The following SLC39A8 variants were observed in gnomAD, a reference collection of about 807,000 sequenced individuals.
SLC39A8 encodes the protein metal cation symporter ZIP8.
In SLC39A8, 15 loss-of-function variants were observed where a neutral mutation model predicts 40.4. The ratio of observed to expected loss-of-function variants is 0.37; its 90% CI spans 0.25 to 0.57. The LOEUF is 0.57. Ranked by LOEUF, SLC39A8 falls within the 20% of genes least tolerant of loss-of-function variation. The pLI is 0.75. For synonymous variants in SLC39A8, 223 were observed against 221.6 expected (o/e 1.01, Z -0.06); for missense variants, 472 against 558.8 (o/e 0.84, Z 1.57).
chr4:102,253,263 G>A (rs750963273), exon 12 of SLC39A8: 16 of 438,674 alleles, frequency 3.6e-5, no homozygotes, highest in African/African-American at 8.2e-5. Flanking sequence ...AGAAAGAAGA[G>A]GCTGTATCTT....
intron 6 of SLC39A8, among the ~76,000 whole-genome samples, chr4:102,285,327 T>C (rs1389407650): frequency 6.6e-6 from 1 of 152,098 alleles, no homozygotes; most frequent in Non-Finnish European, 1.5e-5. Context: ...TTTAAATAAA[T>C]GAAGAGTTAT....
chr4:102,277,518 G>A (rs1732676318), intron 6 of SLC39A8, among the ~76,000 whole-genome samples: 4 of 152,164 alleles, frequency 2.6e-5, no homozygotes, highest in Admixed American at 2.6e-4. Flanking sequence ...AACATTCCAT[G>A]CTCATGGATA....
chr4:102,336,480 T>C (rs974617249), intron 2 of SLC39A8, among the ~76,000 whole-genome samples: 4 of 152,202 alleles, frequency 2.6e-5, no homozygotes, highest in Non-Finnish European at 5.9e-5. Context: ...TTTAATTAGG[T>C]TCAAAGAACT....
Position 102,304,453 on chromosome 4 carries a change from T to C in SLC39A8, c.704A>G (p.Asn235Ser), listed in dbSNP as rs764741012. 3 of 1,611,290 alleles carry C rather than the reference T, an allele frequency of 1.9e-6. No homozygotes were observed. Among genetic ancestry groups the C allele is most frequent in the East Asian group, 2.2e-5 (1 of 44,754 alleles). Residue 235 changes from asparagine to serine, a missense_variant, in exon 6 of 9, where the codon AAC becomes AGC. By Grantham distance (46) the Asn-to-Ser change is conservative. Transcript: ENST00000356736. ...ATGAGTTTTTTCTTGAGGACCAAAG[T>C]TATCATTTCCAAAGTGGGTATGACC... Reference protein sequence around the residue: ...QNGHTHFGNDNFGPQEKTHQP... With the variant: ...QNGHTHFGNDSFGPQEKTHQP...
At chr4:102,304,831 T>C (rs1483680674) in intron 5 of SLC39A8, among the ~76,000 whole-genome samples, 158 bp downstream of exon 5, 2 of 151,834 alleles carry the variant, frequency 1.3e-5, no homozygotes, top group Non-Finnish European at 2.9e-5. Context: ...ATTTATCTTA[T>C]ACTTGTCAAT....
At chr4:102,330,993 C>T (rs1735429653) in intron 2 of SLC39A8, among the ~76,000 whole-genome samples, 1 of 152,152 alleles carries the variant, frequency 6.6e-6, no homozygotes, top group Non-Finnish European at 1.5e-5. Flanking sequence ...GCTAAAAACG[C>T]TCAATAAACT....
chr4:102,338,482 A>G (rs1425582169), intron 2 of SLC39A8, among the ~76,000 whole-genome samples: 3 of 152,234 alleles, frequency 2.0e-5, no homozygotes, highest in East Asian at 1.9e-4. Context: ...CACCGCGCCC[A>G]GCCTCCATCT....
chr4:102,331,006 G>A (rs538448586), intron 2 of SLC39A8, among the ~76,000 whole-genome samples: 10 of 152,278 alleles, frequency 6.6e-5, no homozygotes, highest in South Asian at 2.1e-4. Flanking sequence ...AATAAACTAC[G>A]TATTGATGGG....
At chr4:102,339,787 G>T (rs1030181751) in intron 2 of SLC39A8, among the ~76,000 whole-genome samples, 8 of 151,922 alleles carry the variant, frequency 5.3e-5, no homozygotes, top group Non-Finnish European at 1.0e-4. Context: ...CACTGCAGAT[G>T]GCTCCTTAGC....
intron 6 of SLC39A8, among the ~76,000 whole-genome samples, chr4:102,279,476 CA>C (rs537328224): frequency 3.3e-5 from 5 of 152,064 alleles, no homozygotes; most frequent in Non-Finnish European, 5.9e-5. Flanking sequence ...TAGTCCTGGT[CA>C]AGGGAAAATA....
intron 6 of SLC39A8, among the ~76,000 whole-genome samples, chr4:102,301,159 C>T (rs1733907577): frequency 6.6e-6 from 1 of 151,934 alleles, no homozygotes; most frequent in African/African-American, 2.4e-5. Context: ...TTCCCTCTCA[C>T]TAGATAGGTA....
intron 2 of SLC39A8, among the ~76,000 whole-genome samples, chr4:102,328,821 C>T (rs990169288): frequency 5.3e-5 from 8 of 151,854 alleles, no homozygotes; most frequent in Non-Finnish European, 8.8e-5. Context: ...GTCAGGAGAT[C>T]GAGACCATCC....
chr4:102,290,263 G>A (rs77378426), intron 6 of SLC39A8, among the ~76,000 whole-genome samples: 11,280 of 152,192 alleles, frequency 0.074, 610 homozygotes, highest in South Asian at 0.14. Flanking sequence ...CATAATGACA[G>A]TGCACACTTA....
At chr4:102,301,571 C>T (rs1286916035) in intron 6 of SLC39A8, among the ~76,000 whole-genome samples, 1 of 151,990 alleles carries the variant, frequency 6.6e-6, no homozygotes, top group Non-Finnish European at 1.5e-5. Flanking sequence ...TCTGAATTTC[C>T]AGTGCCTAGG....
At chr4:102,337,775 T>C (rs969254897) in intron 2 of SLC39A8, among the ~76,000 whole-genome samples, 1 of 152,172 alleles carries the variant, frequency 6.6e-6, no homozygotes, top group African/African-American at 2.4e-5. Flanking sequence ...AACTGAAAGG[T>C]TTCATACTAG....
At chr4:102,319,302 C>T (rs1245449151) in intron 2 of SLC39A8, among the ~76,000 whole-genome samples, 1 of 152,148 alleles carries the variant, frequency 6.6e-6, no homozygotes, top group Non-Finnish European at 1.5e-5. Context: ...CAAGTTCCTT[C>T]CTTAGCATTT....
In SLC39A8 at chr4:102,315,844, A is replaced by C. The variant is rs1404370602; in HGVS notation, c.220-14T>G. The stretch of plus-strand genomic sequence containing the variant: ...AGCAGTTAAACACTGAAATAGAATA[A>C]ACAAAAAAAAAATGTGATAATAATG... On this transcript the variant is annotated splice_polypyrimidine_tract_variant and intron_variant, in intron 2 of 8. Transcript: ENST00000356736. 1 of 1,596,410 alleles carries C rather than the reference A, an allele frequency of 6.3e-7. No homozygotes were observed. The highest frequency in any genetic ancestry group is 1.1e-5 in the South Asian group (1 of 87,766).
At position 102,261,782 on chromosome 4, in the gene SLC39A8, A is replaced by G. The variant is rs1443770275; in HGVS notation, c.*1262T>C. ...TTCACCAAATCTGCATTGCTGCTAC[A>G]TGAAAACATTTTTTGGTCTGTTGGA... On this transcript the variant is annotated 3_prime_UTR_variant, in exon 9 of 9. Coordinates refer to ENST00000356736, the MANE Select transcript of SLC39A8 (RefSeq NM_001135146.2). 2 of 985,784 alleles carry G rather than the reference A, an allele frequency of 2.0e-6. No individual in the cohort carries two copies. The highest frequency in any genetic ancestry group is 2.2e-4 in the East Asian group (2 of 8,968). 61.1% of individuals were successfully genotyped at this position (985,784 alleles called of 1,614,324 possible).
rs375961033 is a variant in SLC39A8, at chr4:102,307,628, A to G, written c.383-23T>C. 63 of 1,603,638 alleles carry G rather than the reference A, an allele frequency of 3.9e-5. No homozygotes were observed. In the African/African-American group the frequency reaches 6.2e-4, roughly 16 times the overall value. On this transcript the variant is annotated intron_variant, in intron 3 of 8. Transcript: ENST00000356736. ...AAACTGTGGGTCAGAGGGAAAAGAG[A>G]GTAGAAATTAATCAGAGCAAGGAAC...
Sources: allele counts gnomAD v4.1 joint callset (sites outside exome capture counted in the v4.1 genomes callset), GRCh38; gene constraint gnomAD v4.1.1; transcripts MANE v1.5; gene names NCBI Gene and HGNC (gene_info 2026-07-23, HGNC 2026-07-21).